The following ASIC2 variants were observed in gnomAD, a reference collection of about 807,000 sequenced individuals.
ASIC2 encodes the protein acid sensing ion channel subunit 2.
ASIC2 carries 25 observed loss-of-function variants against 57.3 expected under a neutral mutation model. The ratio of observed to expected loss-of-function variants is 0.44; its 90% CI spans 0.32 to 0.61. The LOEUF is 0.61. Ranked by LOEUF, ASIC2 falls within the 20% of genes least tolerant of loss-of-function variation. The pLI is 0.06. For synonymous variants in ASIC2, 319 were observed against 307.5 expected, an observed-to-expected ratio of 1.04 and a Z score of -0.39; for missense variants, 641 against 738.1, an observed-to-expected ratio of 0.87 and a Z score of 1.52.
intron 1 of ASIC2, among the ~76,000 whole-genome samples, chr17:33,800,871 T>A (rs919590436): frequency 2.0e-5 from 3 of 152,166 alleles, no homozygotes; most frequent in African/African-American, 7.2e-5. Flanking sequence ...GGAGAAGGGA[T>A]GCACAGAGAC....
At chr17:33,395,545 G>A (rs959887964) in intron 1 of ASIC2, among the ~76,000 whole-genome samples, 1 of 152,174 alleles carries the variant, frequency 6.6e-6, no homozygotes, top group Admixed American at 6.5e-5. Flanking sequence ...GTGGGAATTC[G>A]AGATGAGATT....
chr17:33,018,034 G>C (rs150720373), intron 7 of ASIC2, among the ~76,000 whole-genome samples: 3 of 152,352 alleles, frequency 2.0e-5, no homozygotes, highest in East Asian at 3.9e-4. Context: ...TAGAGAGCTA[G>C]GATGTGTGTG....
chr17:33,889,692 T>C (rs1038534261), intron 1 of ASIC2, among the ~76,000 whole-genome samples: 1 of 152,276 alleles, frequency 6.6e-6, no homozygotes, highest in Non-Finnish European at 1.5e-5. Context: ...TTCGTTAGCG[T>C]CCATTGTTAG....
At chr17:33,262,157 AG>A (rs1909309702) in intron 1 of ASIC2, among the ~76,000 whole-genome samples, 1 of 152,184 alleles carries the variant, frequency 6.6e-6, no homozygotes, top group East Asian at 1.9e-4. Context: ...CTGCTTCAAA[AG>A]ACTGCCCGGA....
chr17:33,713,524 G>C (rs1261390515), intron 1 of ASIC2, among the ~76,000 whole-genome samples: 1 of 152,176 alleles, frequency 6.6e-6, no homozygotes, highest in Non-Finnish European at 1.5e-5. Flanking sequence ...GTGAGTGTGT[G>C]TCTCTTTGTC....
chr17:33,148,287 C>G (rs1161596460), intron 1 of ASIC2, among the ~76,000 whole-genome samples: 9 of 152,206 alleles, frequency 5.9e-5, no homozygotes, highest in African/African-American at 2.2e-4. Context: ...AGTGATTAAA[C>G]TCATTCCACA....
intron 1 of ASIC2, among the ~76,000 whole-genome samples, chr17:34,074,598 CTCCATTCTAG>C (rs1180938218): frequency 6.6e-6 from 1 of 152,084 alleles, no homozygotes; most frequent in Non-Finnish European, 1.5e-5. Context: ...TATTGTTAAG[CTCCATTCTAG>C]TCCAAACCCT....
chr17:33,516,406 G>A (rs982578622), intron 1 of ASIC2, among the ~76,000 whole-genome samples: 7 of 125,372 alleles, frequency 5.6e-5, no homozygotes, highest in Admixed American at 4.9e-4. Flanking sequence ...TTGTGAGTGT[G>A]AGTGTGTGTG....
At chr17:33,165,903 T>C (rs1462989791) in intron 1 of ASIC2, among the ~76,000 whole-genome samples, 1 of 152,176 alleles carries the variant, frequency 6.6e-6, no homozygotes, top group Non-Finnish European at 1.5e-5. Context: ...TAATTATTTA[T>C]TGGAGACCAA....
chr17:33,747,331 C>T (rs1370489552), intron 1 of ASIC2, among the ~76,000 whole-genome samples: 1 of 151,256 alleles, frequency 6.6e-6, no homozygotes, highest in East Asian at 2.0e-4. Flanking sequence ...TTACGTGATC[C>T]TCCCACCTCA....
chr17:33,408,716 G>A (rs1910553114), intron 1 of ASIC2, among the ~76,000 whole-genome samples: 1 of 152,124 alleles, frequency 6.6e-6, no homozygotes. Context: ...ATTTGGAGAA[G>A]AGGTCCAGAA....
At chr17:33,226,319 A>C (rs139905828) in intron 1 of ASIC2, among the ~76,000 whole-genome samples, 30 of 152,342 alleles carry the variant, frequency 2.0e-4, no homozygotes, top group Middle Eastern at 3.4e-3. Context: ...CAGAAGTACT[A>C]TACACTAACT....
intron 1 of ASIC2, among the ~76,000 whole-genome samples, chr17:33,241,052 A>T (rs114347095): frequency 1.3e-5 from 2 of 152,130 alleles, no homozygotes; most frequent in African/African-American, 2.4e-5. Context: ...ATCACCTTTC[A>T]TAGATCAGGA....
intron 1 of ASIC2, among the ~76,000 whole-genome samples, chr17:33,881,792 T>G (rs1380779744): frequency 6.6e-6 from 1 of 152,054 alleles, no homozygotes; most frequent in East Asian, 1.9e-4. Flanking sequence ...AAAAAAGCCC[T>G]CATTGCCAAG....
At chr17:33,159,397 T>A (rs1358482176) in intron 1 of ASIC2, among the ~76,000 whole-genome samples, 1 of 152,100 alleles carries the variant, frequency 6.6e-6, no homozygotes. Context: ...AGGCTGTGAG[T>A]GATTTTACTC....
chr17:34,103,552 T>C (rs1185599213), intron 1 of ASIC2, among the ~76,000 whole-genome samples: 1 of 152,218 alleles, frequency 6.6e-6, no homozygotes. Context: ...CCTGTAAACA[T>C]ATTTCCCTGT....
At chr17:33,548,993 G>A (rs1429826826) in intron 1 of ASIC2, among the ~76,000 whole-genome samples, 2 of 151,964 alleles carry the variant, frequency 1.3e-5, no homozygotes, top group African/African-American at 2.4e-5. Flanking sequence ...GTAACACCAT[G>A]GGATTATCTT....
chr17:33,644,562 C>T (rs1252228422), intron 1 of ASIC2, among the ~76,000 whole-genome samples: 1 of 152,186 alleles, frequency 6.6e-6, no homozygotes, highest in Non-Finnish European at 1.5e-5. Context: ...AGGAATGTCT[C>T]ACAGAAACAT....
At chr17:33,347,234 A>G (rs1390486947) in intron 1 of ASIC2, among the ~76,000 whole-genome samples, 1 of 152,222 alleles carries the variant, frequency 6.6e-6, no homozygotes, top group African/African-American at 2.4e-5. Context: ...GAGAAGATGG[A>G]TTCACATGAG....
Sources: gnomAD v4.1 joint callset for allele counts (sites outside exome capture counted in the v4.1 genomes callset) on GRCh38, gnomAD v4.1.1 for gene constraint, MANE v1.5 for transcripts, NCBI Gene and HGNC (gene_info 2026-07-23, HGNC 2026-07-21) for gene names.